ATP8B4: variants seen among roughly 807,000 people sequenced by gnomAD.
ATP8B4 encodes ATPase phospholipid transporting 8B4 (putative).
Under a neutral mutation model 145.6 loss-of-function variants are expected in ATP8B4, and 133 were observed. That is an observed-to-expected ratio of 0.91 (90% CI 0.79 to 1.05). ATP8B4 has a LOEUF of 1.05. Ranked by LOEUF, ATP8B4 falls within the 50% of genes least tolerant of loss-of-function variation. The probability of loss-of-function intolerance (pLI) is 0.00; values close to 1 mark genes in which losing one functional copy is unlikely to be tolerated. For synonymous variants in ATP8B4, 507 were observed against 492.9 expected, an observed-to-expected ratio of 1.03 and a Z score of -0.38; for missense variants, 1,458 against 1,425.2, an observed-to-expected ratio of 1.02 and a Z score of -0.37.
chr15:49,942,207 A>C (rs1478507008), intron 14 of ATP8B4, among the ~76,000 whole-genome samples: 4 of 152,114 alleles, frequency 2.6e-5, no homozygotes, highest in Admixed American at 6.5e-5. Flanking sequence ...CTATATTAAA[A>C]ATAAAATAAA....
intron 6 of ATP8B4, among the ~76,000 whole-genome samples, chr15:50,023,189 G>T (rs2049721449): frequency 6.6e-6 from 1 of 152,036 alleles, no homozygotes; most frequent in Non-Finnish European, 1.5e-5. Context: ...AGACCTTATG[G>T]TCTTATTTAT....
At chr15:50,116,238 T>G (rs1190920386) in intron 1 of ATP8B4, among the ~76,000 whole-genome samples, 1 of 152,072 alleles carries the variant, frequency 6.6e-6, no homozygotes, top group Non-Finnish European at 1.5e-5. Context: ...GGCAACATAG[T>G]GAGACCCTGT....
At chr15:49,918,710 T>C (rs1401646545) in intron 19 of ATP8B4, 129 bp downstream of exon 19, 5 of 676,052 alleles carry the variant, frequency 7.4e-6, no homozygotes, top group Admixed American at 5.9e-5. Context: ...CTCTTCTCTA[T>C]TTCAAGTCTT....
chr15:50,049,003 G>T (rs2051955493), intron 3 of ATP8B4, among the ~76,000 whole-genome samples: 1 of 152,136 alleles, frequency 6.6e-6, no homozygotes, highest in Non-Finnish European at 1.5e-5. Context: ...GGAGAAAGGT[G>T]GAGACTTGAG....
rs116157864 is a variant in ATP8B4, at chr15:49,861,595, T to G, written c.3297+650A>C. Among the ~76,000 whole-genome samples the G allele has an allele frequency of 6.6e-3, 1,004 of 152,228 alleles. 10 individuals carry two copies. Among genetic ancestry groups the G allele is most frequent in the African/African-American group, 0.023 (973 of 41,536 alleles). On this transcript the variant is annotated intron_variant, in intron 27 of 27. Transcript: ENST00000284509. ...ATGGCTATGAATGTTTGTCTCCCTT[T>G]CTCCTTTTCACGCTTTATCTGAGTC...
chr15:49,901,205 TTC>T lies in ATP8B4; in HGVS notation c.2174_2175del (p.Arg725LysfsTer10), dbSNP rs1297082461. 10 of 1,613,310 alleles carry T rather than the reference TTC, an allele frequency of 6.2e-6. No homozygotes were observed. Among genetic ancestry groups the T allele is most frequent in the Non-Finnish European group, 6.8e-6 (8 of 1,179,580 alleles). On this transcript the variant is annotated frameshift_variant, in exon 21 of 28. Coordinates refer to ENST00000284509, the MANE Select transcript of ATP8B4 (RefSeq NM_024837.4). LOFTEE classifies it high-confidence loss of function. ...KAKQNLFGQN[R>X]NFSNGHVVCE... The stretch of plus-strand genomic sequence containing the variant: ...CAAACTACATGGCCATTGGAAAAAT[TTC>T]TGTTTTGTCCAAACAAATTTTGTTT...
intron 1 of ATP8B4, among the ~76,000 whole-genome samples, chr15:50,167,704 T>C (rs554788884): frequency 1.3e-5 from 2 of 152,336 alleles, no homozygotes; most frequent in South Asian, 4.1e-4. Flanking sequence ...ATTTGGGTTA[T>C]AGTCCTTGCT....
At chr15:49,945,037 T>C (rs976640368) in intron 14 of ATP8B4, among the ~76,000 whole-genome samples, 1 of 152,118 alleles carries the variant, frequency 6.6e-6, no homozygotes, top group Non-Finnish European at 1.5e-5. Context: ...CCTCATGGCA[T>C]ATAGCAAAAG....
intron 20 of ATP8B4, 124 bp downstream of exon 20, chr15:49,916,810 A>C: frequency 2.5e-6 from 2 of 791,236 alleles, no homozygotes; most frequent in Non-Finnish European, 3.8e-6. Context: ...ATGCACAAAG[A>C]ACTTTATACT....
chr15:49,897,821 C>T (rs1230578172), intron 22 of ATP8B4, among the ~76,000 whole-genome samples: 4 of 152,144 alleles, frequency 2.6e-5, no homozygotes, highest in Non-Finnish European at 5.9e-5. Flanking sequence ...CTACTTACTT[C>T]CTCAAATAGT....
At chr15:50,161,664 T>C (rs2044520580) in intron 1 of ATP8B4, among the ~76,000 whole-genome samples, 2 of 152,068 alleles carry the variant, frequency 1.3e-5, no homozygotes, top group South Asian at 4.1e-4. Flanking sequence ...ACTTTAACTA[T>C]ATCCCCCACT....
intron 25 of ATP8B4, among the ~76,000 whole-genome samples, chr15:49,874,811 T>C (rs757544250): frequency 6.6e-6 from 1 of 152,132 alleles, no homozygotes; most frequent in Non-Finnish European, 1.5e-5. Flanking sequence ...AATGTGATAG[T>C]TTCTGTGGGC....
At chr15:49,951,379 C>T (rs1324604341) in intron 14 of ATP8B4, among the ~76,000 whole-genome samples, 3 of 152,160 alleles carry the variant, frequency 2.0e-5, no homozygotes, top group African/African-American at 7.2e-5. Flanking sequence ...CTGGTTGCTC[C>T]TGTACTGGGT....
intron 14 of ATP8B4, among the ~76,000 whole-genome samples, chr15:49,948,637 T>C (rs564442788): frequency 3.9e-5 from 6 of 152,336 alleles, no homozygotes; most frequent in African/African-American, 1.4e-4. Flanking sequence ...TTGCCGACTT[T>C]TTGATGGAGT....
At chr15:49,925,254 C>CA (rs34095381) in intron 16 of ATP8B4, among the ~76,000 whole-genome samples, 37,036 of 151,632 alleles carry the variant, frequency 0.24, 5,202 homozygotes, top group Non-Finnish European at 0.31. Flanking sequence ...CTATATTTTC[C>CA]AAAAAATATT....
At position 49,897,399 on chromosome 15, in the gene ATP8B4, A is replaced by G; in HGVS notation, c.2590T>C (p.Trp864Arg). ...AATTTGCACATTCGGAAATAAGACCACCTTCCATGAACAAGGAGAAGCCTT... is the reference window on the plus strand; with the variant it reads ...AATTTGCACATTCGGAAATAAGACCGCCTTCCATGAACAAGGAGAAGCCTT... ...LQRLLLVHGRWSYFRMCKFLC... is the reference protein window; with the variant it reads ...LQRLLLVHGRRSYFRMCKFLC... Residue 864 changes from tryptophan (W) to arginine (R), a missense_variant, in exon 23 of 28, where the codon TGG becomes CGG. Transcript: ENST00000284509. 1 of 1,613,944 alleles carries G rather than the reference A, an allele frequency of 6.2e-7. No individual in the cohort carries two copies. The highest frequency in any genetic ancestry group is 8.5e-7 in the Non-Finnish European group (1 of 1,179,830).
rs3076891 is a variant in ATP8B4, at chr15:50,126,240, C to CAAA, written c.-42-19235_-42-19233dup. Among the ~76,000 whole-genome samples, 676 of 91,334 alleles carry CAAA rather than the reference C, an allele frequency of 7.4e-3. 13 individuals carry two copies. The highest frequency in any genetic ancestry group is 0.017 in the African/African-American group (456 of 27,112). 59.9% of individuals were successfully genotyped at this position (91,334 alleles called of 152,430 possible). A position where few individuals can be genotyped will look rare whatever the true frequency, so the allele number is the denominator to read the frequency against. On this transcript the variant is annotated intron_variant, in intron 1 of 3. Coordinates refer to the ATP8B4 transcript ENST00000558829. Reference sequence around the variant, plus strand: ...GTTAGTTCCTAACAAGCTAACAGTCCAAAAAAAAAAAAAAAACACTTCACT... The same window carrying CAAA: ...GTTAGTTCCTAACAAGCTAACAGTCCAAAAAAAAAAAAAAAAAAACACTTCACT...
At chr15:50,122,728 C>T (rs540628908), upstream of ATP8B4, among the ~76,000 whole-genome samples, 5 of 152,230 alleles carry the variant, frequency 3.3e-5, no homozygotes, top group African/African-American at 1.2e-4. Context: ...TATTCTTGAA[C>T]TATCCACCTG....
rs374330624 is a variant in ATP8B4, at chr15:49,972,776, C to T, written c.1049G>A (p.Arg350His). 5.0e-6 allele frequency: 8 copies of T among 1,613,354 alleles called. No individual in the cohort carries two copies. Among genetic ancestry groups the T allele is most frequent in the Non-Finnish European group, 5.1e-6 (6 of 1,179,744 alleles). ...GTTTATAAAATAACTGTGTCCTAGA[C>T]GAATTACTTCCACACTATCATCCAT... is the stretch of plus-strand genomic sequence containing the variant. ...ISLYVSVEVI[R>H]LGHSYFINWD... Residue 350 changes from arginine to histidine, a missense_variant, in exon 13 of 28, where the codon CGT becomes CAT. Transcript: ENST00000284509.
Sources: gnomAD v4.1 joint callset for allele counts (sites outside exome capture counted in the v4.1 genomes callset) on GRCh38, gnomAD v4.1.1 for gene constraint, MANE v1.5 for transcripts, NCBI Gene and HGNC (gene_info 2026-07-23, HGNC 2026-07-21) for gene names.